ADAMTS20: variants seen among roughly 807,000 people sequenced by gnomAD.
ADAMTS20 encodes the protein A disintegrin and metalloproteinase with thrombospondin motifs 20.
In ADAMTS20, 225 loss-of-function variants were observed where a neutral mutation model predicts 260.1. The observed-to-expected ratio is 0.87, with a 90% CI of 0.78 to 0.97. The LOEUF is 0.97. Ranked by LOEUF, ADAMTS20 falls within the 50% of genes least tolerant of loss-of-function variation. ADAMTS20 has a pLI of 0.00. For synonymous variants in ADAMTS20, 802 were observed against 769.5 expected (o/e 1.04, Z -0.70); for missense variants, 2,400 against 2,337.7 (o/e 1.03, Z -0.55).
At chr12:43,398,394 G>A (rs1940745194) in intron 29 of ADAMTS20, among the ~76,000 whole-genome samples, 2 of 152,072 alleles carry the variant, frequency 1.3e-5, no homozygotes, top group African/African-American at 4.8e-5. Flanking sequence ...GTCAGCCAGG[G>A]TCTCATTTAT....
Position 43,550,913 on chromosome 12 carries a change from C to T in ADAMTS20, c.449G>A (p.Gly150Asp). 2 of 1,553,826 alleles carry T rather than the reference C, an allele frequency of 1.3e-6. No individual in the cohort carries two copies. The highest frequency in any genetic ancestry group is 1.4e-5 in the African/African-American group (1 of 73,334). ...AAGGGACCCGAGGACACTCACCAGG[C>T]CTCCGCATAAGCTGACGACGGCCTT... ...DYKAVVSLCG[G>D]LTGTFKGQNG... Residue 150 changes from glycine to aspartate, a missense_variant, in exon 2 of 39, where the codon GGC (glycine) becomes GAC (aspartate). By Grantham distance (94) the Gly-to-Asp change is moderately conservative. Transcript: ENST00000389420.
At chr12:43,366,444 A>G (rs1330309316) in intron 37 of ADAMTS20, among the ~76,000 whole-genome samples, 1 of 151,966 alleles carries the variant, frequency 6.6e-6, no homozygotes, top group Admixed American at 6.6e-5. Context: ...GAAAGAGTTG[A>G]ACAACAATAT....
chr12:43,490,475 T>C (rs376634792), intron 6 of ADAMTS20, 40 bp from the exon 7 acceptor site: 3 of 1,130,680 alleles, frequency 2.7e-6, no homozygotes, highest in African/African-American at 1.6e-5. Context: ...TTTTGGAAAA[T>C]ATTTTTGCAA....
intron 28 of ADAMTS20, among the ~76,000 whole-genome samples, chr12:43,407,852 CAA>C (rs1940948109): frequency 6.6e-6 from 1 of 152,104 alleles, no homozygotes; most frequent in Non-Finnish European, 1.5e-5. Flanking sequence ...AAAAAATACT[CAA>C]GAAAAACTGC....
chr12:43,435,430 G>C (rs1941532376), intron 18 of ADAMTS20, among the ~76,000 whole-genome samples: 1 of 151,944 alleles, frequency 6.6e-6, no homozygotes, highest in African/African-American at 2.4e-5. Context: ...CACGAGGTCA[G>C]GAGATCAAGA....
chr12:43,414,793 T>C (rs568766255), intron 28 of ADAMTS20, among the ~76,000 whole-genome samples: 1 of 152,036 alleles, frequency 6.6e-6, no homozygotes, highest in African/African-American at 2.4e-5. Context: ...TTATACTAGA[T>C]ACACTAAGAT....
chr12:43,459,999 C>T (rs1407997348), intron 11 of ADAMTS20, among the ~76,000 whole-genome samples: 1 of 152,158 alleles, frequency 6.6e-6, no homozygotes, highest in Non-Finnish European at 1.5e-5. Context: ...AGCACACACA[C>T]TCATTAGATA....
At chr12:43,531,670 A>G in intron 3 of ADAMTS20, among the ~76,000 whole-genome samples, 1 of 152,154 alleles carries the variant, frequency 6.6e-6, no homozygotes, top group Non-Finnish European at 1.5e-5. Flanking sequence ...CAAAGGGCAT[A>G]AAATTTCAGT....
At chr12:43,359,584 G>T (rs983091517) in intron 37 of ADAMTS20, among the ~76,000 whole-genome samples, 1 of 152,192 alleles carries the variant, frequency 6.6e-6, no homozygotes, top group African/African-American at 2.4e-5. Flanking sequence ...GAGGACCCAT[G>T]CTACTTTAAC....
intron 37 of ADAMTS20, among the ~76,000 whole-genome samples, chr12:43,361,461 C>A (rs938349095): frequency 6.6e-6 from 1 of 152,222 alleles, no homozygotes; most frequent in Non-Finnish European, 1.5e-5. Flanking sequence ...TGGAGCTTTG[C>A]GTTTCAGAAA....
intron 29 of ADAMTS20, among the ~76,000 whole-genome samples, chr12:43,394,645 C>T (rs183823966): frequency 2.6e-5 from 4 of 152,182 alleles, no homozygotes; most frequent in Admixed American, 1.3e-4. Context: ...AGTGCAGTGA[C>T]GGCCTGAAAT....
intron 3 of ADAMTS20, among the ~76,000 whole-genome samples, chr12:43,507,680 A>G (rs1459710116): frequency 6.6e-6 from 1 of 152,218 alleles, no homozygotes; most frequent in Admixed American, 6.5e-5. Flanking sequence ...AGACTAAACT[A>G]GAATAGATGG....
chr12:43,509,615 A>C (rs1473222114), intron 3 of ADAMTS20, among the ~76,000 whole-genome samples: 1 of 152,148 alleles, frequency 6.6e-6, no homozygotes, highest in East Asian at 1.9e-4. Flanking sequence ...TAATAACATC[A>C]CGTAAGAAGA....
At chr12:43,382,131 A>T (rs1940367940) in intron 31 of ADAMTS20, among the ~76,000 whole-genome samples, 1 of 152,182 alleles carries the variant, frequency 6.6e-6, no homozygotes, top group Non-Finnish European at 1.5e-5. Flanking sequence ...TTCTATCCCT[A>T]GGTATATGCC....
chr12:43,536,128 T>C (rs554699733), intron 2 of ADAMTS20, among the ~76,000 whole-genome samples: 109 of 152,220 alleles, frequency 7.2e-4, no homozygotes, highest in Non-Finnish European at 1.4e-3. Context: ...CTTTTCCACC[T>C]AATAATAATT....
At chr12:43,457,902 T>A (rs1941994222) in intron 11 of ADAMTS20, among the ~76,000 whole-genome samples, 1 of 152,218 alleles carries the variant, frequency 6.6e-6, no homozygotes, top group African/African-American at 2.4e-5. Context: ...AATCTTTCAT[T>A]ATTTTACTTT....
At chr12:43,530,938 A>T (rs1406017560) in intron 3 of ADAMTS20, among the ~76,000 whole-genome samples, 2 of 152,066 alleles carry the variant, frequency 1.3e-5, no homozygotes, top group Admixed American at 6.6e-5. Flanking sequence ...ATATTGATTT[A>T]AAAATCACTT....
chr12:43,419,509 C>G (rs368112203), intron 28 of ADAMTS20, among the ~76,000 whole-genome samples: 4 of 152,152 alleles, frequency 2.6e-5, no homozygotes, highest in Admixed American at 2.0e-4. Context: ...ATATACAGCA[C>G]ATAGATATTG....
At chr12:43,537,602 AT>A (rs1167299151) in intron 2 of ADAMTS20, among the ~76,000 whole-genome samples, 1 of 152,086 alleles carries the variant, frequency 6.6e-6, no homozygotes, top group East Asian at 1.9e-4. Context: ...GTACTAGCAA[AT>A]AGGTCTTACT....
Sources: allele counts gnomAD v4.1 joint callset (sites outside exome capture counted in the v4.1 genomes callset), GRCh38; gene constraint gnomAD v4.1.1; transcripts MANE v1.5; gene names NCBI Gene and HGNC (gene_info 2026-07-23, HGNC 2026-07-21).